The following EDNRB variants were observed in gnomAD, a reference collection of about 807,000 sequenced individuals.
EDNRB encodes Hirschsprung disease 2.
EDNRB carries 18 observed loss-of-function variants against 46.4 expected under a neutral mutation model. The observed-to-expected ratio is 0.39, with a 90% confidence interval of 0.27 to 0.57. The LOEUF (loss-of-function observed/expected upper bound fraction) is 0.57, where lower values mean the gene tolerates loss of function less well. Among genes scored for constraint, EDNRB ranks in the 20% least tolerant of loss-of-function variants. EDNRB has a pLI of 0.61. For missense variants in EDNRB, 434 were observed against 537.5 expected, an observed-to-expected ratio of 0.81 and a Z score of 1.90; for synonymous variants, 213 against 204.9, an observed-to-expected ratio of 1.04 and a Z score of -0.34.
chr13:77,913,014 A>G (rs1456453202), intron 1 of EDNRB, among the ~76,000 whole-genome samples: 1 of 152,126 alleles, frequency 6.6e-6, no homozygotes, highest in Non-Finnish European at 1.5e-5. Flanking sequence ...TTATAACTTC[A>G]AAAGTTGGTG....
At chr13:77,898,356 A>G (rs1594354352) in intron 6 of EDNRB, 22 bp from the exon 7 acceptor site, 1 of 1,610,806 alleles carries the variant, frequency 6.2e-7, no homozygotes, top group Non-Finnish European at 8.5e-7. Context: ...AAAGTAACTC[A>G]TTATATGTTA....
intron 1 of EDNRB, among the ~76,000 whole-genome samples, chr13:77,969,251 A>G (rs1537065): frequency 0.59 from 90,132 of 152,046 alleles, 28,066 homozygotes; most frequent in Middle Eastern, 0.74. Flanking sequence ...TTCATTTTAA[A>G]AGTTAATTCT....
At chr13:77,899,686 A>C in intron 6 of EDNRB, 173 bp downstream of exon 6, 1 of 594,826 alleles carries the variant, frequency 1.7e-6, no homozygotes, top group Non-Finnish European at 2.9e-6. Context: ...AGGAAAAAAC[A>C]ATTATAGTGA....
At chr13:77,906,896 A>G (rs1879308937) in intron 1 of EDNRB, among the ~76,000 whole-genome samples, 1 of 151,994 alleles carries the variant, frequency 6.6e-6, no homozygotes, top group Non-Finnish European at 1.5e-5. Context: ...TTGCTCACTT[A>G]AGTGAGTAAT....
At chr13:77,911,838 C>A (rs940072731) in intron 1 of EDNRB, among the ~76,000 whole-genome samples, 2 of 152,058 alleles carry the variant, frequency 1.3e-5, no homozygotes, top group Non-Finnish European at 2.9e-5. Flanking sequence ...ACCCACACAC[C>A]ACATTCAGCT....
intron 1 of EDNRB, among the ~76,000 whole-genome samples, chr13:77,907,920 A>T (rs1447045565): frequency 1.3e-5 from 2 of 151,370 alleles, no homozygotes; most frequent in African/African-American, 4.9e-5. Flanking sequence ...ACTGAAAATT[A>T]TAACAATGCT....
At chr13:77,906,986 G>T (rs1879313682) in intron 1 of EDNRB, among the ~76,000 whole-genome samples, 1 of 151,936 alleles carries the variant, frequency 6.6e-6, no homozygotes, top group South Asian at 2.1e-4. Flanking sequence ...GTTTGAAGGA[G>T]GTGATTGTAC....
chr13:77,938,066 A>T (rs951644971), intron 1 of EDNRB, among the ~76,000 whole-genome samples: 2 of 152,160 alleles, frequency 1.3e-5, no homozygotes, highest in African/African-American at 4.8e-5. Context: ...TGCAGAAGAA[A>T]ATAAGGCATT....
At chr13:77,949,571 C>T (rs1391774148) in intron 1 of EDNRB, among the ~76,000 whole-genome samples, 1 of 152,146 alleles carries the variant, frequency 6.6e-6, no homozygotes. Context: ...AGCCTTAGAC[C>T]TTAATTGACA....
chr13:77,919,740 G>C (rs372569874), upstream of EDNRB: 21 of 892,688 alleles, frequency 2.4e-5, no homozygotes, highest in Non-Finnish European at 1.7e-6. Flanking sequence ...GGCAGTCCTC[G>C]TCCGGGGACA....
intron 1 of EDNRB, among the ~76,000 whole-genome samples, chr13:77,936,805 C>T (rs969882745): frequency 6.6e-5 from 10 of 152,208 alleles, no homozygotes; most frequent in Non-Finnish European, 1.5e-5. Flanking sequence ...TGGAGGAAGT[C>T]TTGTAGGAAT....
In EDNRB at chr13:77,951,825, C is replaced by A. The variant is rs192963234; in HGVS notation, c.-52+23522G>T. On this transcript the variant is annotated intron_variant, in intron 1 of 7. Transcript: ENST00000646948. ...TTAGTCTTTAGGAGAGACTGTAACT[C>A]CCCTAAATTGGGCCTCTAACCCAAT... Among the ~76,000 whole-genome samples the A allele has an allele frequency of 5.3e-5, 8 of 152,126 alleles. No homozygotes were observed. The East Asian group carries it at 5.8e-4, about 11-fold the overall frequency.
In EDNRB at chr13:77,925,049, C is replaced by T. The variant is rs9574122; in HGVS notation, c.-51-6425G>A. On this transcript the variant is annotated intron_variant, in intron 1 of 7. Transcript: ENST00000646948. ...ACGGACTAACACAAAGAACAACTCC[C>T]CATTTCTTCCTCCACCCAATCCCTA... Among the ~76,000 whole-genome samples, 21 of 152,318 alleles carry T rather than the reference C, an allele frequency of 1.4e-4. No individual in the cohort carries two copies. In the East Asian group the frequency reaches 4.0e-3, roughly 29 times the overall value.
intron 1 of EDNRB, among the ~76,000 whole-genome samples, chr13:77,908,924 C>T (rs1258055806): frequency 9.9e-5 from 15 of 151,994 alleles, no homozygotes; most frequent in Admixed American, 9.8e-4. Flanking sequence ...GTTGGCAATA[C>T]TCACATAACT....
intron 1 of EDNRB, among the ~76,000 whole-genome samples, chr13:77,948,093 A>T (rs535909043): frequency 6.6e-6 from 1 of 152,284 alleles, no homozygotes; most frequent in Non-Finnish European, 1.5e-5. Context: ...TCATATTCAA[A>T]CAATTTTGCC....
In EDNRB at chr13:77,897,168, T is replaced by C. The variant is rs1351467298; in HGVS notation, c.*1032A>G. On this transcript the variant is annotated 3_prime_UTR_variant, in exon 7 of 7. Transcript: ENST00000646607. ...ACTGCACCAGGCAGTTCACAGTCTT[T>C]ATTATGAGGTCACTGGCATCTCTCC... 1 of 985,348 alleles carries C rather than the reference T, an allele frequency of 1.0e-6. No individual in the cohort carries two copies. Among genetic ancestry groups the C allele is most frequent in the Non-Finnish European group, 1.2e-6 (1 of 830,044 alleles). The allele number at this position is 985,348 out of a possible 1,614,324, so 61.0% of individuals were successfully genotyped here. A position where few individuals can be genotyped will look rare whatever the true frequency, so the allele number is the denominator to read the frequency against.
At chr13:77,954,077 G>A (rs1052446732) in intron 1 of EDNRB, among the ~76,000 whole-genome samples, 25 of 151,884 alleles carry the variant, frequency 1.6e-4, no homozygotes, top group African/African-American at 6.0e-4. Flanking sequence ...CCCTTCTTTT[G>A]ATTTATAATT....
chr13:77,945,949 G>A (rs1399739993), intron 1 of EDNRB, among the ~76,000 whole-genome samples: 3 of 149,934 alleles, frequency 2.0e-5, no homozygotes, highest in African/African-American at 7.3e-5. Flanking sequence ...AGACTCAGAT[G>A]TGACACAGAT....
upstream of EDNRB, among the ~76,000 whole-genome samples, chr13:77,920,764 G>A (rs1880063622): frequency 1.3e-5 from 2 of 152,192 alleles, no homozygotes; most frequent in Admixed American, 1.3e-4. Context: ...TAAGAACGAG[G>A]TCAACATTCA....
Sources: gnomAD v4.1 joint callset for allele counts (sites outside exome capture counted in the v4.1 genomes callset) on GRCh38, gnomAD v4.1.1 for gene constraint, MANE v1.5 for transcripts, NCBI Gene and HGNC (gene_info 2026-07-23, HGNC 2026-07-21) for gene names.